CFAP44: variants seen among roughly 807,000 people sequenced by gnomAD.
The protein encoded by CFAP44 is cilia- and flagella-associated protein 44.
Under a neutral mutation model 216.2 loss-of-function variants are expected in CFAP44, and 134 were observed. The observed-to-expected ratio is 0.62, with a 90% CI of 0.54 to 0.72. CFAP44 has a LOEUF of 0.72. Ranked by LOEUF, CFAP44 falls within the 30% of genes least tolerant of loss-of-function variation. CFAP44 has a pLI of 0.00. For synonymous variants in CFAP44, 700 were observed against 727.6 expected, an observed-to-expected ratio of 0.96 and a Z score of 0.61; for missense variants, 2,035 against 2,182.1, an observed-to-expected ratio of 0.93 and a Z score of 1.34.
rs200624773 is a variant in CFAP44, at chr3:113,421,834, AAGGG to A, written c.408-1659_408-1656del. 6.6e-3 allele frequency among the ~76,000 whole-genome samples: 936 copies of A among 142,286 alleles called. 17 individuals carry two copies. Among genetic ancestry groups the A allele is most frequent in the Non-Finnish European group, 5.3e-3 (341 of 64,586 alleles). 93.3% of individuals were successfully genotyped at this position (142,286 alleles called of 152,430 possible). A position where few individuals can be genotyped will look rare whatever the true frequency, so the allele number is the denominator to read the frequency against. ...GGAACGACAGACACTAGGGATTCCA[AAGGG>A]AGGGAGGGAGGGAGGGGGCACGGCT... On this transcript the variant is annotated intron_variant, in intron 4 of 34. Coordinates refer to ENST00000393845, the MANE Select transcript of CFAP44 (RefSeq NM_001164496.2).
rs1949829153 is a variant in CFAP44, at chr3:113,291,577, T to C, written c.5545A>G (p.Ile1849Val). Residue 1849 changes from isoleucine to valine, a missense_variant, in exon 35 of 35, where the codon ATA becomes GTA. Physicochemically the swap from Ile to Val is conservative, Grantham distance 29. Transcript: ENST00000393845. ...PPIQSPREKE[I>V]QPADL ...CAAACTCAAAGGTCTGCGGGCTGTA[T>C]CTCTTTCTCTCGTGGAGACTGAATG... The C allele has an allele frequency of 1.3e-6, 2 of 1,537,090 alleles. No individual in the cohort carries two copies. The highest frequency in any genetic ancestry group is 2.0e-5 in the Admixed American group (1 of 50,978).
rs1281377771 is a variant in CFAP44 at position 113,358,885 on chromosome 3, A to G, written c.2935-10T>C. The G allele has an allele frequency of 6.5e-7, 1 of 1,535,130 alleles. No homozygotes were observed. The highest frequency in any genetic ancestry group is 8.7e-7 in the Non-Finnish European group (1 of 1,145,836). ...AATCTACATCAAAATCCTGCAGATA[A>G]GAAGATCTGTTCATCAAAATGGGTA... On this transcript the variant is annotated splice_polypyrimidine_tract_variant and intron_variant, in intron 21 of 34. Transcript: ENST00000393845.
At chr3:113,425,458 A>G (rs1382899607) in intron 4 of CFAP44, among the ~76,000 whole-genome samples, 1 of 152,228 alleles carries the variant, frequency 6.6e-6, no homozygotes, top group East Asian at 1.9e-4. Context: ...TCCTGTTTCT[A>G]CATATCTTAA....
Position 113,416,596 on chromosome 3 carries a change from G to C in CFAP44, c.602C>G (p.Ala201Gly). Residue 201 changes from alanine to glycine, a missense_variant, in exon 6 of 35, where the codon GCT becomes GGT. Ala to Gly is a moderately conservative substitution (Grantham distance 60). Transcript: ENST00000393845. ...VHPHKTYFTV[A>G]EKGSFPDIII... is the part of the protein sequence containing the mutation. ...AATATCTGGAAAACTCCCTTTTTCA[G>C]CTACTGTGAAATAAGTTTTATGTGG... 2 of 1,611,908 alleles carry C rather than the reference G, an allele frequency of 1.2e-6. No homozygotes were observed. The highest frequency in any genetic ancestry group is 1.7e-6 in the Non-Finnish European group (2 of 1,178,774).
chr3:113,435,864 T>A (rs1348810933), intron 1 of CFAP44, among the ~76,000 whole-genome samples: 2 of 139,280 alleles, frequency 1.4e-5, no homozygotes, highest in Non-Finnish European at 3.2e-5. Flanking sequence ...TGTACGTGTG[T>A]GTGTGTGTGT....
intron 32 of CFAP44, among the ~76,000 whole-genome samples, chr3:113,300,084 A>G (rs1338057515): frequency 6.6e-6 from 1 of 152,214 alleles, no homozygotes; most frequent in Admixed American, 6.5e-5. Flanking sequence ...TGAAGTCATT[A>G]CATTAAGTGA....
intron 15 of CFAP44, among the ~76,000 whole-genome samples, chr3:113,386,274 T>C (rs1251730289): frequency 6.6e-6 from 1 of 152,240 alleles, no homozygotes; most frequent in East Asian, 1.9e-4. Context: ...CTCTTCACTT[T>C]CAACCAAGTT....
intron 15 of CFAP44, among the ~76,000 whole-genome samples, chr3:113,394,405 T>C (rs1559934185): frequency 6.6e-6 from 1 of 152,220 alleles, no homozygotes. Flanking sequence ...CATAATATTA[T>C]ATGTTGTGAT....
chr3:113,348,880 T>C (rs1476695715), intron 22 of CFAP44, among the ~76,000 whole-genome samples: 1 of 152,234 alleles, frequency 6.6e-6, no homozygotes, highest in Admixed American at 6.5e-5. Flanking sequence ...AGAGATGTCA[T>C]GCTATTGTTA....
At chr3:113,294,251 G>C (rs554975300) in intron 34 of CFAP44, 11 of 265,764 alleles carry the variant, frequency 4.1e-5, no homozygotes, top group Non-Finnish European at 7.4e-5. Context: ...TTATGTAATA[G>C]CAAGTTGAAA....
At chr3:113,401,554 AAAGAGCC>A in intron 10 of CFAP44, 23 bp downstream of exon 10, 1 of 1,609,518 alleles carries the variant, frequency 6.2e-7, no homozygotes, top group Non-Finnish European at 8.5e-7. Context: ...ATGTAATGTT[AAAGAGCC>A]AAGAGACAAG....
At chr3:113,355,504 A>C (rs1485499895) in intron 22 of CFAP44, among the ~76,000 whole-genome samples, 1 of 152,192 alleles carries the variant, frequency 6.6e-6, no homozygotes, top group Non-Finnish European at 1.5e-5. Context: ...TGGGCGACAG[A>C]GTGAGACTCC....
At position 113,296,557 on chromosome 3, in the gene CFAP44, G is replaced by A. The variant is rs564779044; in HGVS notation, c.5238+168C>T. Among the ~76,000 whole-genome samples the A allele has an allele frequency of 4.2e-4, 64 of 152,234 alleles. 1 individual carries two copies. The highest frequency in any genetic ancestry group is 5.2e-4 in the Admixed American group (8 of 15,292). On this transcript the variant is annotated intron_variant, in intron 33 of 34. Transcript: ENST00000393845. ...AAGATAAACAAGTCCCTCTAACTAA[G>A]TGAACAGTAAAGAAGCCGAGACAAG... is the stretch of plus-strand genomic sequence containing the variant.
At chr3:113,395,996 C>G (rs1933980729) in intron 14 of CFAP44, 136 bp from the exon 15 acceptor site, 1 of 610,352 alleles carries the variant, frequency 1.6e-6, no homozygotes, top group Non-Finnish European at 2.7e-6. Context: ...TAGGAGAATT[C>G]TTATTTCTAA....
intron 1 of CFAP44, among the ~76,000 whole-genome samples, chr3:113,435,651 C>T (rs1009258945): frequency 1.3e-5 from 2 of 151,396 alleles, no homozygotes; most frequent in African/African-American, 4.9e-5. Flanking sequence ...ATCACTTGAG[C>T]CCAGGAGTTT....
intron 17 of CFAP44, among the ~76,000 whole-genome samples, chr3:113,376,720 G>A (rs1183877904): frequency 6.6e-6 from 1 of 152,126 alleles, no homozygotes; most frequent in Non-Finnish European, 1.5e-5. Flanking sequence ...AATAGGAGGT[G>A]AATAAGTTAA....
intron 4 of CFAP44, among the ~76,000 whole-genome samples, chr3:113,423,105 C>CATTTTT (rs1491251290): frequency 1.3e-5 from 1 of 79,158 alleles, no homozygotes; most frequent in African/African-American, 4.9e-5. Flanking sequence ...CTGATCCTTC[C>CATTTTT]TTTTTTTTTT....
chr3:113,350,811 A>C (rs970579070), intron 22 of CFAP44, among the ~76,000 whole-genome samples: 6 of 152,220 alleles, frequency 3.9e-5, no homozygotes. Flanking sequence ...AAAAAGAGGA[A>C]AGGCAAAGGG....
intron 25 of CFAP44, among the ~76,000 whole-genome samples, chr3:113,332,114 T>G (rs1008798115): frequency 6.6e-6 from 1 of 152,228 alleles, no homozygotes; most frequent in African/African-American, 2.4e-5. Flanking sequence ...TGCAATTAAG[T>G]TGAAGATATC....
Sources: allele counts gnomAD v4.1 joint callset (sites outside exome capture counted in the v4.1 genomes callset), GRCh38; gene constraint gnomAD v4.1.1; transcripts MANE v1.5; gene names NCBI Gene and HGNC (gene_info 2026-07-23, HGNC 2026-07-21).